The following RASSF8 variants were observed in gnomAD, a reference collection of about 807,000 sequenced individuals.
The protein encoded by RASSF8 is ras association domain-containing protein 8.
In RASSF8, 22 loss-of-function variants were observed where a neutral mutation model predicts 48.5. The observed-to-expected ratio is 0.45, with a 90% confidence interval of 0.32 to 0.65. The LOEUF (loss-of-function observed/expected upper bound fraction) is 0.65. RASSF8 is among the 30% of genes least tolerant of loss of function. The probability of loss-of-function intolerance (pLI) is 0.03; values close to 1 mark genes in which losing one functional copy is unlikely to be tolerated. For synonymous variants in RASSF8, 127 were observed against 171.5 expected (o/e 0.74, Z 2.03); for missense variants, 418 against 489.2 (o/e 0.85, Z 1.37).
rs867360034 is a variant in RASSF8, at chr12:26,036,982, T to C, written c.-108-18254T>C. On this transcript the variant is annotated intron_variant, in intron 2 of 5. Coordinates refer to ENST00000689635, the MANE Select transcript of RASSF8 (RefSeq NM_001394098.1). ...CTAGGATAAAGTAGTATCTAAGTGA[T>C]AGGAAGTTGGTGTTTTCCTTTTATA... 4.6e-5 allele frequency among the ~76,000 whole-genome samples: 7 copies of C among 152,268 alleles called. No individual in the cohort carries two copies. In the Middle Eastern group the frequency reaches 0.014, roughly 296 times the overall value.
chr12:26,006,532 G>A (rs1184965909), intron 2 of RASSF8, among the ~76,000 whole-genome samples: 2 of 152,230 alleles, frequency 1.3e-5, no homozygotes, highest in Admixed American at 6.5e-5. Context: ...TGCTTGTCTC[G>A]CTCTAGACGT....
At position 26,069,315 on chromosome 12, in the gene RASSF8, A is replaced by G. The variant is rs1273326617; in HGVS notation, c.*497A>G. 3.0e-6 allele frequency: 3 copies of G among 985,116 alleles called. No homozygotes were observed. Among genetic ancestry groups the G allele is most frequent in the African/African-American group, 3.5e-5 (2 of 57,198 alleles). The allele number at this position is 985,116 out of a possible 1,614,324, so 61.0% of individuals were successfully genotyped here. A position where few individuals can be genotyped will look rare whatever the true frequency, so the allele number is the denominator to read the frequency against. On this transcript the variant is annotated 3_prime_UTR_variant, in exon 6 of 6. Coordinates refer to ENST00000689635, the MANE Select transcript of RASSF8 (RefSeq NM_001394098.1). ...CATCCATGCATTGCTGATTTACACT[A>G]CACAAGTGTCCTAGGGTGCTCCACC...
At chr12:26,055,478 T>C in intron 3 of RASSF8, 32 bp downstream of exon 3, 3 of 1,495,552 alleles carry the variant, frequency 2.0e-6, no homozygotes, top group Non-Finnish European at 2.8e-6. Flanking sequence ...CTGAGAAAAG[T>C]ACATTGTGCT....
chr12:26,011,456 G>T (rs1015320274), intron 2 of RASSF8, among the ~76,000 whole-genome samples: 1 of 152,056 alleles, frequency 6.6e-6, no homozygotes, highest in African/African-American at 2.4e-5. Context: ...CTTCCTCCCT[G>T]CCTGCAGTCC....
At chr12:26,057,988 C>A (rs2137258324) in intron 3 of RASSF8, among the ~76,000 whole-genome samples, 1 of 152,222 alleles carries the variant, frequency 6.6e-6, no homozygotes, top group African/African-American at 2.4e-5. Flanking sequence ...CATAATCACA[C>A]TTTTTACACA....
downstream of RASSF8, among the ~76,000 whole-genome samples, chr12:26,077,821 AT>A (rs982062970): frequency 6.6e-6 from 1 of 152,056 alleles, no homozygotes; most frequent in African/African-American, 2.4e-5. Context: ...AGTTTTTCAC[AT>A]TTTTCTACTG....
chr12:26,075,905 T>A (rs1591827481), downstream of RASSF8, among the ~76,000 whole-genome samples: 1 of 152,070 alleles, frequency 6.6e-6, no homozygotes, highest in South Asian at 2.1e-4. Flanking sequence ...GTGACAGTCA[T>A]TGGGCACAGC....
intron 1 of RASSF8, among the ~76,000 whole-genome samples, chr12:25,980,368 A>G (rs1192305398): frequency 6.6e-6 from 1 of 152,212 alleles, no homozygotes; most frequent in Non-Finnish European, 1.5e-5. Context: ...TTTAATTTTA[A>G]AAAGAGATTA....
intron 2 of RASSF8, among the ~76,000 whole-genome samples, chr12:26,023,947 T>C (rs1244002101): frequency 2.0e-5 from 3 of 152,156 alleles, no homozygotes; most frequent in African/African-American, 7.2e-5. Flanking sequence ...GAATGGTAAA[T>C]AAGATTAACA....
intron 2 of RASSF8, among the ~76,000 whole-genome samples, chr12:26,040,942 C>G (rs1159787484): frequency 6.6e-6 from 1 of 150,648 alleles, no homozygotes; most frequent in Admixed American, 6.6e-5. Context: ...GGCTGGAGAG[C>G]AGTGGCGTGA....
At position 26,033,730 on chromosome 12, in the gene RASSF8, A is replaced by G. The variant is rs190324686; in HGVS notation, c.-108-21506A>G. On this transcript the variant is annotated intron_variant, in intron 2 of 5. Coordinates refer to ENST00000689635, the MANE Select transcript of RASSF8 (RefSeq NM_001394098.1). ...GTGGAGGTGAAAACTGTTTCTTTGC[A>G]TTTAATATGCACATCTGCCTTGTCC... is the stretch of plus-strand genomic sequence containing the variant. Among the ~76,000 whole-genome samples the G allele has an allele frequency of 3.0e-3, 464 of 152,158 alleles. 1 individual carries two copies. The highest frequency in any genetic ancestry group is 0.011 in the African/African-American group (436 of 41,516).
chr12:26,009,802 G>A (rs1211986602), intron 2 of RASSF8, among the ~76,000 whole-genome samples: 3 of 152,178 alleles, frequency 2.0e-5, no homozygotes, highest in Non-Finnish European at 2.9e-5. Context: ...TGGTTAGATG[G>A]TAGGGGCAAA....
chr12:26,062,642 TA>T (rs750691875), intron 3 of RASSF8, among the ~76,000 whole-genome samples: 5 of 152,210 alleles, frequency 3.3e-5, no homozygotes, highest in Non-Finnish European at 7.3e-5. Context: ...CTGTCTAGTT[TA>T]CATAGTTGGA....
chr12:26,058,536 GCGCA>G (rs1334339075), intron 3 of RASSF8, among the ~76,000 whole-genome samples: 1,803 of 83,446 alleles, frequency 0.022, 21 homozygotes, highest in Middle Eastern at 0.077. Context: ...GCACGCGCGC[GCGCA>G]CACACACACA....
intron 2 of RASSF8, among the ~76,000 whole-genome samples, chr12:26,021,697 A>T (rs1942790935): frequency 1.3e-5 from 2 of 152,148 alleles, no homozygotes; most frequent in Admixed American, 1.3e-4. Context: ...CTTGCTTGTA[A>T]GGGAGAGAAG....
intron 2 of RASSF8, among the ~76,000 whole-genome samples, chr12:26,000,517 A>G (rs1942229806): frequency 6.6e-6 from 1 of 152,186 alleles, no homozygotes; most frequent in Admixed American, 6.5e-5. Context: ...ATATATAATT[A>G]CATTGGTAAT....
intron 2 of RASSF8, among the ~76,000 whole-genome samples, chr12:26,020,744 C>A (rs1440091898): frequency 6.6e-6 from 1 of 152,054 alleles, no homozygotes; most frequent in South Asian, 2.1e-4. Context: ...TTTTAAGTAT[C>A]TATTTCTAGG....
downstream of RASSF8, among the ~76,000 whole-genome samples, chr12:26,074,765 G>A (rs981783330): frequency 1.3e-5 from 2 of 152,126 alleles, no homozygotes; most frequent in Admixed American, 6.6e-5. Context: ...AACCCAGTGT[G>A]TTGGAAGATC....
At position 26,072,416 on chromosome 12, in the gene RASSF8, CTT is replaced by C. The variant is rs1944018210; in HGVS notation, c.*3601_*3602del. 1 of 978,754 alleles carries C rather than the reference CTT, an allele frequency of 1.0e-6. No individual in the cohort carries two copies. The highest frequency in any genetic ancestry group is 4.7e-5 in the South Asian group (1 of 21,120). The allele number at this position is 978,754 out of a possible 1,614,324, so 60.6% of individuals were successfully genotyped here. On this transcript the variant is annotated 3_prime_UTR_variant, in exon 6 of 6. Transcript: ENST00000689635. ...TGACTGCCTGAAAGCTGCAGGAGCT[CTT>C]TTCAATGCATTTTATATATTTTTAG...
Sources: allele counts gnomAD v4.1 joint callset (sites outside exome capture counted in the v4.1 genomes callset), GRCh38; gene constraint gnomAD v4.1.1; transcripts MANE v1.5; gene names NCBI Gene and HGNC (gene_info 2026-07-23, HGNC 2026-07-21).